AIMP1: variants seen among roughly 807,000 people sequenced by gnomAD.
AIMP1 encodes aminoacyl tRNA synthetase complex interacting multifunctional protein 1, also known as aminoacyl tRNA synthase complex-interacting multifunctional protein 1.
AIMP1 carries 24 observed loss-of-function variants against 33.1 expected under a neutral mutation model. The ratio of observed to expected loss-of-function variants is 0.73; its 90% confidence interval spans 0.53 to 1.02. The LOEUF (loss-of-function observed/expected upper bound fraction) is 1.02. Ranked by LOEUF, AIMP1 falls within the 50% of genes least tolerant of loss-of-function variation. The pLI is 0.00. For missense variants in AIMP1, 367 were observed against 364.8 expected (o/e 1.01, Z -0.05); for synonymous variants, 120 against 121.5 (o/e 0.99, Z 0.08).
intron 5 of AIMP1, among the ~76,000 whole-genome samples, chr4:106,336,449 G>C (rs1331217181): frequency 1.3e-5 from 2 of 151,874 alleles, no homozygotes; most frequent in Non-Finnish European, 2.9e-5. Flanking sequence ...TAATTCTAAT[G>C]CTAGGCTAAA....
chr4:106,319,257 A>G (rs573948934), intron 1 of AIMP1, among the ~76,000 whole-genome samples: 31 of 152,262 alleles, frequency 2.0e-4, no homozygotes, highest in African/African-American at 6.0e-4. Flanking sequence ...TGCTTTTTCA[A>G]AAAGATTGCA....
intron 6 of AIMP1, among the ~76,000 whole-genome samples, chr4:106,345,603 T>C (rs995049592): frequency 1.3e-5 from 2 of 152,040 alleles, no homozygotes; most frequent in Admixed American, 1.3e-4. Flanking sequence ...ACCAGTCACT[T>C]TCAGTCTTAG....
At chr4:106,344,170 C>G (rs999585778) in intron 6 of AIMP1, among the ~76,000 whole-genome samples, 1 of 152,114 alleles carries the variant, frequency 6.6e-6, no homozygotes. Flanking sequence ...TCTTCCTTAC[C>G]TCCTTAGATT....
At chr4:106,331,056 A>G (rs563282263) in intron 4 of AIMP1, among the ~76,000 whole-genome samples, 2 of 152,340 alleles carry the variant, frequency 1.3e-5, no homozygotes, top group South Asian at 2.1e-4. Flanking sequence ...ATATATCTTC[A>G]GAGAAATCTA....
At chr4:106,325,364 T>C (rs1033470519) in intron 2 of AIMP1, among the ~76,000 whole-genome samples, 1 of 152,040 alleles carries the variant, frequency 6.6e-6, no homozygotes, top group African/African-American at 2.4e-5. Context: ...TTGCTGTCAC[T>C]AGTAGAAATA....
intron 1 of AIMP1, among the ~76,000 whole-genome samples, chr4:106,317,973 G>C (rs3113249): frequency 1.3e-5 from 2 of 151,812 alleles, no homozygotes; most frequent in Admixed American, 1.3e-4. Flanking sequence ...TATGGACTCT[G>C]TACTGGGGAG....
chr4:106,325,518 T>A (rs966056309), intron 2 of AIMP1, among the ~76,000 whole-genome samples: 1 of 147,162 alleles, frequency 6.8e-6, no homozygotes, highest in Non-Finnish European at 1.5e-5. Context: ...ATTATTTTTC[T>A]TAAAAATTCT....
rs1168928909 is a variant in AIMP1, at chr4:106,349,178, T to A, written c.*1486T>A. The A allele has an allele frequency of 1.3e-5, 2 of 152,070 alleles. No individual in the cohort carries two copies. Among genetic ancestry groups the A allele is most frequent in the Middle Eastern group, 3.2e-3 (1 of 316 alleles). 9.4% of individuals were successfully genotyped at this position (152,070 alleles called of 1,614,324 possible). A position where few individuals can be genotyped will look rare whatever the true frequency, so the allele number is the denominator to read the frequency against. On this transcript the variant is annotated 3_prime_UTR_variant, in exon 7 of 7. Transcript: ENST00000672341. ...AAAATGAATTTCAAAAGTTACTTTG[T>A]TCTCAAGATATGTCATTCTTTTGGG...
intron 1 of AIMP1, 58 bp downstream of exon 1, chr4:106,316,652 T>C (rs1309399055): frequency 1.3e-6 from 2 of 1,519,974 alleles, no homozygotes; most frequent in East Asian, 2.5e-5. Context: ...ATCGTAGGGG[T>C]CTTCCTTCTC....
At chr4:106,324,885 G>T in intron 1 of AIMP1, 100 bp from the exon 2 acceptor site, 1 of 949,294 alleles carries the variant, frequency 1.1e-6, no homozygotes. Flanking sequence ...ATCTATTACA[G>T]TAGAAAATGT....
upstream of AIMP1, chr4:106,315,839 C>T (rs1164240003): frequency 3.9e-5 from 6 of 152,542 alleles, no homozygotes; most frequent in African/African-American, 1.4e-4. Flanking sequence ...ATTCTGAAGA[C>T]ATGCGGGGCC....
intron 6 of AIMP1, among the ~76,000 whole-genome samples, chr4:106,337,370 A>G (rs368112991): frequency 6.6e-6 from 1 of 152,150 alleles, no homozygotes; most frequent in African/African-American, 2.4e-5. Context: ...TCCTGGGGGC[A>G]GGTTTTACCT....
At chr4:106,328,801 C>T (rs1447998181) in intron 4 of AIMP1, among the ~76,000 whole-genome samples, 1 of 152,124 alleles carries the variant, frequency 6.6e-6, no homozygotes, top group Non-Finnish European at 1.5e-5. Context: ...ATTCCTGTCC[C>T]CAAAACATAC....
chr4:106,338,078 G>T (rs1008496335), intron 6 of AIMP1, among the ~76,000 whole-genome samples: 11 of 152,220 alleles, frequency 7.2e-5, no homozygotes, highest in African/African-American at 2.7e-4. Context: ...TTTAAGAGGT[G>T]ACTTGGGTGC....
intron 5 of AIMP1, among the ~76,000 whole-genome samples, chr4:106,334,718 G>A (rs924636383): frequency 6.6e-6 from 1 of 152,136 alleles, no homozygotes; most frequent in African/African-American, 2.4e-5. Context: ...TAAGTATTGA[G>A]GCCAGGATGA....
intron 5 of AIMP1, among the ~76,000 whole-genome samples, chr4:106,332,135 A>C (rs1341941236): frequency 6.6e-6 from 1 of 152,170 alleles, no homozygotes; most frequent in Non-Finnish European, 1.5e-5. Flanking sequence ...ATCTATTTTT[A>C]AAGTATTTTT....
chr4:106,329,314 T>C (rs867981267), intron 4 of AIMP1, among the ~76,000 whole-genome samples: 30 of 152,226 alleles, frequency 2.0e-4, no homozygotes, highest in Admixed American at 6.5e-4. Flanking sequence ...CTTGCAAATT[T>C]GGTGGAATCC....
At position 106,331,827 on chromosome 4, in the gene AIMP1, G is replaced by C; in HGVS notation, c.547G>C (p.Glu183Gln). The C allele has an allele frequency of 6.2e-7, 1 of 1,614,128 alleles. No individual in the cohort carries two copies. Among genetic ancestry groups the C allele is most frequent in the Non-Finnish European group, 8.5e-7 (1 of 1,179,984 alleles). ...SLYVEEVDVG[E>Q]IAPRTVVSGL... Reference sequence around the variant, plus strand: ...GTATGTGGAAGAAGTAGATGTCGGAGAAATAGCCCCAAGGACAGTTGTCAG... The same window carrying C: ...GTATGTGGAAGAAGTAGATGTCGGACAAATAGCCCCAAGGACAGTTGTCAG... The change falls in exon 5 of 7, where the codon GAA (glutamate) becomes CAA (glutamine). Residue 183 changes from glutamate to glutamine, a missense_variant. By Grantham distance (29) the Glu-to-Gln change is conservative. Transcript: ENST00000672341.
chr4:106,316,186 A>G (rs1768836326), upstream of AIMP1: 2 of 188,424 alleles, frequency 1.1e-5, no homozygotes, highest in Non-Finnish European at 2.2e-5. Context: ...TTCCCCAAAC[A>G]CAGATCCGAG....
Sources: allele counts gnomAD v4.1 joint callset (sites outside exome capture counted in the v4.1 genomes callset), GRCh38; gene constraint gnomAD v4.1.1; transcripts MANE v1.5; gene names NCBI Gene and HGNC (gene_info 2026-07-23, HGNC 2026-07-21).